Variants in TRA2A observed in about 807,000 individuals in gnomAD.
TRA2A encodes the protein transformer 2 alpha homolog, also known as transformer-2 protein homolog alpha.
Under a neutral mutation model 45.7 loss-of-function variants are expected in TRA2A, and 31 were observed. The observed-to-expected ratio is 0.68, with a 90% CI of 0.51 to 0.92. The LOEUF (loss-of-function observed/expected upper bound fraction) is 0.92, where lower values mean the gene tolerates loss of function less well. Ranked by LOEUF, TRA2A falls within the 40% of genes least tolerant of loss-of-function variation. TRA2A has a pLI of 0.00. For synonymous variants in TRA2A, 132 were observed against 126.2 expected, an observed-to-expected ratio of 1.05 and a Z score of -0.31; for missense variants, 304 against 367.5, an observed-to-expected ratio of 0.83 and a Z score of 1.41.
chr7:23,505,311 C>T lies in TRA2A; in HGVS notation c.*248G>A. 1 of 382,610 alleles carries T rather than the reference C, an allele frequency of 2.6e-6. No individual in the cohort carries two copies. The highest frequency in any genetic ancestry group is 4.6e-6 in the Non-Finnish European group (1 of 215,342). The allele number at this position is 382,610 out of a possible 1,614,324, so 23.7% of individuals were successfully genotyped here. The stretch of plus-strand genomic sequence containing the variant: ...AAAAAAAAAAATTTACAAAGCATAA[C>T]ATAACATTGGGGTTCTTTTTATACT... On this transcript the variant is annotated 3_prime_UTR_variant, in exon 8 of 8. Transcript: ENST00000297071.
chr7:23,531,332 C>G, intron 1 of TRA2A: 1 of 827,904 alleles, frequency 1.2e-6, no homozygotes, highest in East Asian at 1.2e-4. Context: ...TCTCCCCGCC[C>G]GGAAAGCAGC....
chr7:23,531,705 G>C, intron 1 of TRA2A, 84 bp downstream of exon 1: 2 of 1,526,504 alleles, frequency 1.3e-6, no homozygotes, highest in Admixed American at 3.4e-5. Context: ...GGGACTACCC[G>C]CAACCCCGCC....
In TRA2A at chr7:23,505,731, G is replaced by C. The variant is rs747959383; in HGVS notation, c.838+15C>G. On this transcript the variant is annotated intron_variant, in intron 7 of 7. Transcript: ENST00000297071. The stretch of plus-strand genomic sequence containing the variant: ...AAATGAGGTTTTTTATGCTACAAAA[G>C]TAAAGTTCACATACTTGGGCTGTAG... 3 of 1,518,952 alleles carry C rather than the reference G, an allele frequency of 2.0e-6. No homozygotes were observed. The highest frequency in any genetic ancestry group is 1.8e-6 in the Non-Finnish European group (2 of 1,129,620). 94.1% of individuals were successfully genotyped at this position (1,518,952 alleles called of 1,614,324 possible).
intron 4 of TRA2A, among the ~76,000 whole-genome samples, chr7:23,512,647 A>G (rs999473269): frequency 6.6e-6 from 1 of 151,854 alleles, no homozygotes; most frequent in African/African-American, 2.4e-5. Flanking sequence ...TTTAGTAGAG[A>G]CGGGGTTTCA....
intron 4 of TRA2A, among the ~76,000 whole-genome samples, chr7:23,510,327 TTTTTC>T (rs1207025123): frequency 2.0e-5 from 3 of 152,276 alleles, no homozygotes; most frequent in Non-Finnish European, 2.9e-5. Flanking sequence ...GTTAAGCTTT[TTTTTC>T]TTTTCTTTTT....
chr7:23,511,370 C>CAA lies in TRA2A; in HGVS notation c.525+1522_525+1523dup, dbSNP rs567187750. On this transcript the variant is annotated intron_variant, in intron 4 of 7. Coordinates refer to ENST00000297071, the MANE Select transcript of TRA2A (RefSeq NM_013293.5). ...TGGGCGACAGAGCGAGACTCCATCT[C>CAA]AAAAAAAAAAAAAAAAAAAAAAAAA... Among the ~76,000 whole-genome samples the CAA allele has an allele frequency of 1.7e-4, 7 of 40,114 alleles. 2 individuals carry two copies. The highest frequency in any genetic ancestry group is 2.8e-3 in the East Asian group (2 of 704). 26.3% of individuals were successfully genotyped at this position (40,114 alleles called of 152,430 possible).
rs145485310 is a variant in TRA2A, at chr7:23,528,101, G to C, written c.36+3688C>G. On this transcript the variant is annotated intron_variant, in intron 1 of 7. Coordinates refer to ENST00000297071, the MANE Select transcript of TRA2A (RefSeq NM_013293.5). ...TGTAAGGTCAATTTGATGATATATG[G>C]AATTAAATTGCTAAAGACGCTGAAT... Among the ~76,000 whole-genome samples, 51 of 152,216 alleles carry C rather than the reference G, an allele frequency of 3.4e-4. No homozygotes were observed. The East Asian group carries it at 9.3e-3, about 28-fold the overall frequency.
chr7:23,530,843 G>C (rs913751253), intron 1 of TRA2A, among the ~76,000 whole-genome samples: 1 of 151,954 alleles, frequency 6.6e-6, no homozygotes, highest in African/African-American at 2.4e-5. Flanking sequence ...AGTATATACT[G>C]ACTAGTTATC....
At chr7:23,513,848 C>G (rs183953882) in intron 3 of TRA2A, among the ~76,000 whole-genome samples, 24 of 152,072 alleles carry the variant, frequency 1.6e-4, no homozygotes, top group African/African-American at 5.3e-4. Flanking sequence ...CTAGTAACTT[C>G]AAACTTTTTA....
At chr7:23,530,949 C>T (rs1266609113) in intron 1 of TRA2A, among the ~76,000 whole-genome samples, 1 of 150,650 alleles carries the variant, frequency 6.6e-6, no homozygotes, top group Non-Finnish European at 1.5e-5. Context: ...AAGGAGTGGT[C>T]AGTTTTTAGA....
At chr7:23,516,182 C>T (rs1025441807) in intron 3 of TRA2A, among the ~76,000 whole-genome samples, 181 bp downstream of exon 3, 4 of 152,124 alleles carry the variant, frequency 2.6e-5, no homozygotes. Context: ...TGTCATAAAA[C>T]ATGGTAAGCT....
At position 23,516,985 on chromosome 7, in the gene TRA2A, G is replaced by A. The variant is rs552878367; in HGVS notation, c.171-457C>T. On this transcript the variant is annotated intron_variant, in intron 2 of 7. Transcript: ENST00000297071. The stretch of plus-strand genomic sequence containing the variant: ...TAGCCAGGTGTGGTGGCAGGCACCT[G>A]TAATTCCAGCTACTTGGGAGGCTGA... Among the ~76,000 whole-genome samples, 4 of 152,232 alleles carry A rather than the reference G, an allele frequency of 2.6e-5. No individual in the cohort carries two copies. The East Asian group carries it at 7.7e-4, about 29-fold the overall frequency.
At chr7:23,529,034 A>G (rs4722238) in intron 1 of TRA2A, among the ~76,000 whole-genome samples, 56,702 of 152,052 alleles carry the variant, frequency 0.37, 10,844 homozygotes, top group African/African-American at 0.44. Flanking sequence ...GCACATTTTT[A>G]TAAAGTACAG....
chr7:23,508,103 T>G (rs983351020), intron 4 of TRA2A, among the ~76,000 whole-genome samples: 10 of 152,246 alleles, frequency 6.6e-5, no homozygotes, highest in Non-Finnish European at 1.0e-4. Context: ...TAAGACTCAG[T>G]GAGCAGCCAA....
chr7:23,516,269 A>C, intron 3 of TRA2A, 94 bp downstream of exon 3: 2 of 1,323,684 alleles, frequency 1.5e-6, no homozygotes, highest in African/African-American at 1.5e-5. Context: ...TATCACTTCT[A>C]AACAATGGCC....
chr7:23,515,091 A>G (rs1303587948), intron 3 of TRA2A, among the ~76,000 whole-genome samples: 1 of 152,202 alleles, frequency 6.6e-6, no homozygotes, highest in Non-Finnish European at 1.5e-5. Flanking sequence ...GTACTGAATA[A>G]AAGTGTTAGC....
intron 2 of TRA2A, among the ~76,000 whole-genome samples, chr7:23,518,970 G>A (rs1790012197): frequency 6.6e-6 from 1 of 152,162 alleles, no homozygotes; most frequent in African/African-American, 2.4e-5. Context: ...TTATAGGCAT[G>A]AGCCACCACA....
At chr7:23,514,994 A>G (rs1542608) in intron 3 of TRA2A, among the ~76,000 whole-genome samples, 20,260 of 152,164 alleles carry the variant, frequency 0.13, 1,736 homozygotes, top group Middle Eastern at 0.22. Flanking sequence ...AACCAAAACT[A>G]AAACTCCTTC....
chr7:23,509,894 T>C (rs897217749), intron 4 of TRA2A, among the ~76,000 whole-genome samples: 27 of 151,494 alleles, frequency 1.8e-4, no homozygotes, highest in African/African-American at 6.6e-4. Context: ...GGCATGGTGG[T>C]GCGCACCTGT....
Sources: gnomAD v4.1 joint callset for allele counts (sites outside exome capture counted in the v4.1 genomes callset) on GRCh38, gnomAD v4.1.1 for gene constraint, MANE v1.5 for transcripts, NCBI Gene and HGNC (gene_info 2026-07-23, HGNC 2026-07-21) for gene names.